The following PKHD1 variants were observed in gnomAD, a reference collection of about 807,000 sequenced individuals.
PKHD1 encodes fibrocystin.
PKHD1 carries 291 observed loss-of-function variants against 412.0 expected under a neutral mutation model. The observed-to-expected ratio is 0.71, with a 90% CI of 0.64 to 0.78. The LOEUF is 0.78. Ranked by LOEUF, PKHD1 falls within the 30% of genes least tolerant of loss-of-function variation. PKHD1 has a pLI of 0.00. For missense variants in PKHD1, 4,825 were observed against 4,950.7 expected, an observed-to-expected ratio of 0.97 and a Z score of 0.76; for synonymous variants, 1,777 against 1,821.5, an observed-to-expected ratio of 0.98 and a Z score of 0.62.
At chr6:52,070,199 C>T (rs1441177422) in intron 10 of PKHD1, among the ~76,000 whole-genome samples, 2 of 152,154 alleles carry the variant, frequency 1.3e-5, no homozygotes, top group Admixed American at 1.3e-4. Flanking sequence ...TATTGAAACA[C>T]ACATTGCCTA....
intron 60 of PKHD1, among the ~76,000 whole-genome samples, chr6:51,671,989 G>T (rs1775075411): frequency 6.6e-6 from 1 of 152,144 alleles, no homozygotes; most frequent in Non-Finnish European, 1.5e-5. Context: ...TAGAATTTTT[G>T]TCAAATGTGG....
chr6:51,846,161 G>A (rs1771106975), intron 50 of PKHD1, among the ~76,000 whole-genome samples: 1 of 152,168 alleles, frequency 6.6e-6, no homozygotes, highest in African/African-American at 2.4e-5. Context: ...GTATAATTCA[G>A]TGCAAATAAA....
chr6:51,715,885 T>C (rs747684004), intron 60 of PKHD1, among the ~76,000 whole-genome samples: 2 of 152,170 alleles, frequency 1.3e-5, no homozygotes, highest in Non-Finnish European at 2.9e-5. Context: ...GACAGTTATA[T>C]CTGAGAAAGG....
chr6:51,932,636 A>G (rs935364181), intron 37 of PKHD1, among the ~76,000 whole-genome samples: 5 of 152,234 alleles, frequency 3.3e-5, no homozygotes, highest in East Asian at 1.9e-4. Context: ...TACAAAATCA[A>G]TGTAGTTGCT....
At chr6:52,050,365 T>G (rs1806620182) in intron 21 of PKHD1, 70 bp from the exon 22 acceptor site, 1 of 1,520,748 alleles carries the variant, frequency 6.6e-7, no homozygotes, top group Non-Finnish European at 9.1e-7. Flanking sequence ...AAAATCCCAG[T>G]TGGAAATGTG....
In PKHD1 at chr6:51,722,341, G is replaced by T. The variant is rs72899385; in HGVS notation, c.10156+22044C>A. 9.3e-4 allele frequency among the ~76,000 whole-genome samples: 141 copies of T among 152,118 alleles called. 1 individual carries two copies. In the South Asian group the frequency reaches 0.018, roughly 19 times the overall value. On this transcript the variant is annotated intron_variant, in intron 60 of 66. Transcript: ENST00000371117. ...TTATTTCTTTGAGGTTCAAGGTTGCGTCTCACTTATGTCTAAACTCCCCAG... is the reference window on the plus strand; with the variant it reads ...TTATTTCTTTGAGGTTCAAGGTTGCTTCTCACTTATGTCTAAACTCCCCAG...
chr6:51,616,397 C>T lies in PKHD1; in HGVS notation c.*2684G>A, dbSNP rs951426852. ...GATTGTCACTGCTGGGAAATATTTG[C>T]TGGGTTACCCATGTTAACGATCTGA... On this transcript the variant is annotated 3_prime_UTR_variant, in exon 67 of 67. Coordinates refer to ENST00000371117, the MANE Select transcript of PKHD1 (RefSeq NM_138694.4). The T allele has an allele frequency of 6.2e-6, 2 of 322,230 alleles. No homozygotes were observed. Among genetic ancestry groups the T allele is most frequent in the East Asian group, 9.2e-5 (2 of 21,830 alleles). 20.0% of individuals were successfully genotyped at this position (322,230 alleles called of 1,614,324 possible). A position where few individuals can be genotyped will look rare whatever the true frequency, so the allele number is the denominator to read the frequency against.
chr6:51,648,877 C>A (rs1770486465), intron 62 of PKHD1, among the ~76,000 whole-genome samples: 1 of 152,086 alleles, frequency 6.6e-6, no homozygotes, highest in South Asian at 2.1e-4. Context: ...TACCCTTGAT[C>A]AAATTCTGAA....
At chr6:51,874,612 T>C (rs1224889673) in intron 46 of PKHD1, among the ~76,000 whole-genome samples, 2 of 152,198 alleles carry the variant, frequency 1.3e-5, no homozygotes, top group African/African-American at 4.8e-5. Context: ...AGTCTAACAA[T>C]GGACAGGCCA....
At chr6:51,620,449 T>C (rs376129422) in intron 66 of PKHD1, among the ~76,000 whole-genome samples, 2 of 152,068 alleles carry the variant, frequency 1.3e-5, no homozygotes, top group East Asian at 1.9e-4. Flanking sequence ...TCATATGCCT[T>C]ACAGTGAGAA....
chr6:51,911,505 T>C (rs1449203836), intron 39 of PKHD1, among the ~76,000 whole-genome samples: 8 of 152,112 alleles, frequency 5.3e-5, no homozygotes, highest in Non-Finnish European at 8.8e-5. Flanking sequence ...AACCCAGAAA[T>C]GTAATTCAAC....
chr6:52,058,650 A>G (rs2128212960), intron 15 of PKHD1, 49 bp from the exon 16 acceptor site: 4 of 1,582,228 alleles, frequency 2.5e-6, no homozygotes, highest in Non-Finnish European at 3.5e-6. Flanking sequence ...GCTTCCAGGC[A>G]TCTCTTTCTC....
At chr6:51,939,045 G>A (rs553086769) in intron 36 of PKHD1, among the ~76,000 whole-genome samples, 1 of 151,638 alleles carries the variant, frequency 6.6e-6, no homozygotes, top group African/African-American at 2.4e-5. Context: ...GTTTAATCAT[G>A]CGGGGATGTC....
intron 49 of PKHD1, 70 bp downstream of exon 49, chr6:51,855,823 T>C: frequency 8.3e-7 from 1 of 1,207,660 alleles, no homozygotes; most frequent in Non-Finnish European, 1.2e-6. Flanking sequence ...TTTCAACCCA[T>C]TATCTCAAAC....
chr6:51,641,647 G>T (rs540966684), intron 63 of PKHD1, among the ~76,000 whole-genome samples: 1 of 152,162 alleles, frequency 6.6e-6, no homozygotes, highest in Non-Finnish European at 1.5e-5. Flanking sequence ...CAACACAAAT[G>T]CCCATCAATG....
chr6:51,810,871 CAG>C (rs1392802356), intron 52 of PKHD1, among the ~76,000 whole-genome samples: 1 of 152,124 alleles, frequency 6.6e-6, no homozygotes, highest in African/African-American at 2.4e-5. Context: ...CTTGGGGAAA[CAG>C]AGAGACTTCT....
chr6:51,934,291 G>T lies in PKHD1; in HGVS notation c.5940C>A (p.Pro1980=), dbSNP rs1787124894. ...GGKLIFMAPG[P]IELRAHAILV... ...GGATGGCGTGTGCCCTGAGCTCGAT[G>T]GGTCCTGGGGCCATGAAAATCAGCT... The change falls in exon 37 of 67, where the codon CCC becomes CCA. Residue 1980 remains proline (P), a synonymous_variant. Transcript: ENST00000371117. 1.2e-6 allele frequency: 2 copies of T among 1,612,708 alleles called. No homozygotes were observed. Among genetic ancestry groups the T allele is most frequent in the Admixed American group, 1.7e-5 (1 of 60,000 alleles).
intron 66 of PKHD1, among the ~76,000 whole-genome samples, chr6:51,624,659 T>C (rs1418639662): frequency 6.6e-6 from 1 of 152,248 alleles, no homozygotes; most frequent in African/African-American, 2.4e-5. Context: ...GACCCTTGGA[T>C]GTGAACACAT....
intron 60 of PKHD1, among the ~76,000 whole-genome samples, chr6:51,670,134 G>A (rs529091144): frequency 0.026 from 3,611 of 141,378 alleles, 67 homozygotes; most frequent in Non-Finnish European, 0.04. Flanking sequence ...TCTGTCTAAT[G>A]TTGACAGTGG....
Sources: allele counts gnomAD v4.1 joint callset (sites outside exome capture counted in the v4.1 genomes callset), GRCh38; gene constraint gnomAD v4.1.1; transcripts MANE v1.5; gene names NCBI Gene and HGNC (gene_info 2026-07-23, HGNC 2026-07-21).